RYR1: variants seen among roughly 807,000 people sequenced by gnomAD.
RYR1 encodes central core disease of muscle.
RYR1 carries 342 observed loss-of-function variants against 583.5 expected under a neutral mutation model. The ratio of observed to expected loss-of-function variants is 0.59; its 90% CI spans 0.54 to 0.64. The LOEUF (loss-of-function observed/expected upper bound fraction) is 0.64, where lower values mean the gene tolerates loss of function less well. Ranked by LOEUF, RYR1 falls within the 30% of genes least tolerant of loss-of-function variation. The pLI is 0.00. For synonymous variants in RYR1, 2,791 were observed against 2,822.5 expected (o/e 0.99, Z 0.35); for missense variants, 6,032 against 6,917.2 (o/e 0.87, Z 4.54).
At chr19:38,547,902 G>A (rs557407191) in intron 88 of RYR1, among the ~76,000 whole-genome samples, 2 of 152,096 alleles carry the variant, frequency 1.3e-5, no homozygotes, top group Admixed American at 1.3e-4. Context: ...TAATAGAGAC[G>A]GGGTTTCACC....
At position 38,561,445 on chromosome 19, in the gene RYR1, G is replaced by A. The variant is rs1599626405; in HGVS notation, c.12615G>A (p.Glu4205=). 6.2e-7 allele frequency: 1 copy of A among 1,608,032 alleles called. No individual in the cohort carries two copies. The highest frequency in any genetic ancestry group is 2.2e-5 in the East Asian group (1 of 44,850). The change falls in exon 90 of 106, where the codon GAG becomes GAA. Residue 4205 remains glutamate (E), a synonymous_variant. Coordinates refer to ENST00000359596, the MANE Select transcript of RYR1 (RefSeq NM_000540.3). This position sits in a 1 kb window ranked among gnomAD's most constrained non-coding sequence, Gnocchi z 4.8. ...EISETNRAQW[E]MPQVKESKRQ... Reference sequence around the variant, plus strand: ...CAGAGACCAACCGCGCCCAGTGGGAGATGCCCCAGGTCAGGGAACCCGCGC... The same window carrying A: ...CAGAGACCAACCGCGCCCAGTGGGAAATGCCCCAGGTCAGGGAACCCGCGC...
At chr19:38,469,208 C>T in intron 26 of RYR1, 68 bp downstream of exon 26, 1 of 1,608,296 alleles carries the variant, frequency 6.2e-7, no homozygotes, top group Non-Finnish European at 8.5e-7. Flanking sequence ...CTGCACTGCC[C>T]TTCTGCCTCC....
intron 89 of RYR1, among the ~76,000 whole-genome samples, chr19:38,554,604 T>C (rs932938759): frequency 6.6e-6 from 1 of 151,978 alleles, no homozygotes; most frequent in East Asian, 1.9e-4. Flanking sequence ...CTTTCTGGTG[T>C]TTGAAATCAC....
rs1028534625 is a variant in RYR1 at position 38,561,300 on chromosome 19, C to T, written c.12470C>T (p.Pro4157Leu). 1.9e-6 allele frequency: 3 copies of T among 1,613,928 alleles called. No individual in the cohort carries two copies. The highest frequency in any genetic ancestry group is 2.7e-5 in the African/African-American group (2 of 74,954). The change falls in exon 90 of 106, where the codon CCT becomes CTT. Residue 4157 changes from proline to leucine, a missense_variant. Transcript: ENST00000359596. This position sits in a 1 kb window ranked among gnomAD's most constrained non-coding sequence, Gnocchi z 4.8. ...CTGTCGGAGCATGTGCCGCATGACC[C>T]TCGCCTGCACAACTTCCTGGAGCTG... ...TNLSEHVPHD[P>L]RLHNFLELAE...
In RYR1 at chr19:38,466,125, C is replaced by T; in HGVS notation, c.2905C>T (p.Leu969=). 10 of 1,613,002 alleles carry T rather than the reference C, an allele frequency of 6.2e-6. No individual in the cohort carries two copies. The highest frequency in any genetic ancestry group is 8.5e-6 in the Non-Finnish European group (10 of 1,179,678). Residue 969 remains leucine, a synonymous_variant, in exon 24 of 106, where the codon CTG becomes TTG. Coordinates refer to ENST00000359596, the MANE Select transcript of RYR1 (RefSeq NM_000540.3). ...GAGCAATGGGTACAAGCCGGCTCCG[C>T]TGGACCTGAGCCACGTGCGGCTGAC... ...MMSNGYKPAP[L]DLSHVRLTPA...
intron 96 of RYR1, among the ~76,000 whole-genome samples, chr19:38,575,659 C>T (rs973113086): frequency 3.9e-5 from 6 of 151,962 alleles, no homozygotes; most frequent in African/African-American, 9.7e-5. Flanking sequence ...GAAAATTAGC[C>T]GGGCGTGGTG....
chr19:38,503,357 C>T (rs1019870377), intron 49 of RYR1, among the ~76,000 whole-genome samples: 3 of 152,206 alleles, frequency 2.0e-5, no homozygotes, highest in African/African-American at 7.2e-5. Flanking sequence ...CACAGCTATT[C>T]TGAATATTTG....
At position 38,443,008 on chromosome 19, in the gene RYR1, C is replaced by T. The variant is rs114928933; in HGVS notation, c.271-550C>T. ...CCCTTGGAGCATGGGCATGTGACAG[C>T]CATGATGGGAGGCATGGTGACATCG... On this transcript the variant is annotated intron_variant, in intron 3 of 105. Coordinates refer to ENST00000359596, the MANE Select transcript of RYR1 (RefSeq NM_000540.3). 3.7e-3 allele frequency among the ~76,000 whole-genome samples: 571 copies of T among 152,322 alleles called. 3 individuals carry two copies. Among genetic ancestry groups the T allele is most frequent in the African/African-American group, 0.013 (535 of 41,562 alleles).
chr19:38,518,801 C>T lies in RYR1; in HGVS notation c.10019-413C>T, dbSNP rs578123785. On this transcript the variant is annotated intron_variant, in intron 66 of 105. Transcript: ENST00000359596. ...AAAGTTAGCTGGGTGTGGTGGCAGA[C>T]GCCTGTAATCCCAGCTACTCGGGGC... Among the ~76,000 whole-genome samples the T allele has an allele frequency of 8.5e-5, 13 of 152,124 alleles. No individual in the cohort carries two copies. The South Asian group carries it at 1.9e-3, about 22-fold the overall frequency.
At position 38,464,623 on chromosome 19, in the gene RYR1, A is replaced by C; in HGVS notation, c.2787-16A>C. On this transcript the variant is annotated splice_polypyrimidine_tract_variant and intron_variant, in intron 22 of 105. Coordinates refer to ENST00000359596, the MANE Select transcript of RYR1 (RefSeq NM_000540.3). ...CTGAGGGGCGTGACCTGTCGCCTCC[A>C]CTCCCCCACCCCCAGGACTCTGCTG... is the stretch of plus-strand genomic sequence containing the variant. 1 of 1,566,720 alleles carries C rather than the reference A, an allele frequency of 6.4e-7. No individual in the cohort carries two copies.
rs376421265 is a variant in RYR1 at position 38,434,239 on chromosome 19, C to G, written c.45+365C>G. Among the ~76,000 whole-genome samples, 296 of 152,156 alleles carry G rather than the reference C, an allele frequency of 1.9e-3. 2 individuals are homozygous for G. In the South Asian group the frequency reaches 0.021, roughly 11 times the overall value. ...GCTTGATTTAGCCATCCCCCCACCC[C>G]CACCTTAGCCCTAATTCTCTTTTTG... On this transcript the variant is annotated intron_variant, in intron 1 of 105. Coordinates refer to ENST00000359596, the MANE Select transcript of RYR1 (RefSeq NM_000540.3).
In RYR1 at chr19:38,587,466, T is replaced by C; in HGVS notation, c.*46T>C. 3.5e-6 allele frequency: 5 copies of C among 1,412,560 alleles called. No individual in the cohort carries two copies. The highest frequency in any genetic ancestry group is 5.0e-6 in the Non-Finnish European group (5 of 997,362). 87.5% of individuals were successfully genotyped at this position (1,412,560 alleles called of 1,614,324 possible). On this transcript the variant is annotated 3_prime_UTR_variant, in exon 106 of 106. Coordinates refer to ENST00000359596, the MANE Select transcript of RYR1 (RefSeq NM_000540.3). Reference sequence around the variant, plus strand: ...CACCCCCACCTCAAGTGCCTTATTCTCACAGCAAGCCCCTTAGTCCCCAAG... The same window carrying C: ...CACCCCCACCTCAAGTGCCTTATTCCCACAGCAAGCCCCTTAGTCCCCAAG...
rs775032744 is a variant in RYR1, at chr19:38,523,875, G to A, written c.10441-40G>A. On this transcript the variant is annotated intron_variant, in intron 69 of 105. Coordinates refer to ENST00000359596, the MANE Select transcript of RYR1 (RefSeq NM_000540.3). ...GGCCTGGGCTTCTCTGCGGGGCTGGGGTAACCCTTCTTGTCTCTGTCTGCG... is the reference window on the plus strand; with the variant it reads ...GGCCTGGGCTTCTCTGCGGGGCTGGAGTAACCCTTCTTGTCTCTGTCTGCG... 63 of 1,613,810 alleles carry A rather than the reference G, an allele frequency of 3.9e-5. 1 individual carries two copies. The South Asian group carries it at 6.5e-4, about 17-fold the overall frequency.
At chr19:38,555,446 CAA>C (rs56911809) in intron 89 of RYR1, among the ~76,000 whole-genome samples, 232 of 83,430 alleles carry the variant, frequency 2.8e-3, no homozygotes, top group Middle Eastern at 9.1e-3. Flanking sequence ...GACCCTGCCT[CAA>C]AAAAAAAAAA....
rs1177244684 is a variant in RYR1 at position 38,519,629 on chromosome 19, G to A, written c.10259+175G>A. On this transcript the variant is annotated intron_variant, in intron 67 of 105. Coordinates refer to ENST00000359596, the MANE Select transcript of RYR1 (RefSeq NM_000540.3). ...CTTTGAGCACATTGGTCCAACGACA[G>A]CCAGCCCACTTGTTTGTTTCTTTTT... 2.0e-5 allele frequency among the ~76,000 whole-genome samples: 3 copies of A among 152,228 alleles called. No individual in the cohort carries two copies. In the South Asian group the frequency reaches 6.2e-4, roughly 32 times the overall value.
intron 101 of RYR1, among the ~76,000 whole-genome samples, chr19:38,584,069 G>GT (rs1176389186): frequency 6.6e-6 from 1 of 151,892 alleles, no homozygotes; most frequent in Non-Finnish European, 1.5e-5. Flanking sequence ...CCTCCTTTAG[G>GT]TTTCAGCTCA....
chr19:38,438,097 C>T (rs1600622330), intron 1 of RYR1, among the ~76,000 whole-genome samples: 2 of 152,008 alleles, frequency 1.3e-5, no homozygotes, highest in African/African-American at 4.8e-5. Flanking sequence ...GCTCCATCTC[C>T]TGTGCTGTCC....
chr19:38,477,223 A>G (rs891249366), intron 29 of RYR1, among the ~76,000 whole-genome samples: 14 of 151,996 alleles, frequency 9.2e-5, no homozygotes, highest in Non-Finnish European at 1.8e-4. Flanking sequence ...GCTCACTGCA[A>G]CCTCTGCCTC....
intron 28 of RYR1, 131 bp downstream of exon 28, chr19:38,473,902 C>T (rs1177593079): frequency 1.5e-6 from 1 of 672,784 alleles, no homozygotes; most frequent in Non-Finnish European, 2.5e-6. Context: ...AGTAAGAATA[C>T]CGAGAGATTC....
Sources: gnomAD v4.1 joint callset for allele counts (sites outside exome capture counted in the v4.1 genomes callset) on GRCh38, gnomAD v4.1.1 for gene constraint, Gnocchi (gnomAD v3.1) non-coding constraint, MANE v1.5 for transcripts, NCBI Gene and HGNC (gene_info 2026-07-23, HGNC 2026-07-21) for gene names.